GRM8: variants seen among roughly 807,000 people sequenced by gnomAD.
GRM8 encodes the protein metabotropic glutamate receptor 8.
In GRM8, 47 loss-of-function variants were observed where a neutral mutation model predicts 87.2. The observed-to-expected ratio is 0.54, with a 90% CI of 0.43 to 0.69. The LOEUF is 0.69. GRM8 is among the 30% of genes least tolerant of loss of function. The pLI is 0.00. For missense variants in GRM8, 1,019 were observed against 1,139.2 expected (o/e 0.89, Z 1.52); for synonymous variants, 396 against 404.5 (o/e 0.98, Z 0.25).
At chr7:126,856,120 T>TC (rs139177715) in intron 6 of GRM8, among the ~76,000 whole-genome samples, 100 of 152,186 alleles carry the variant, frequency 6.6e-4, no homozygotes, top group African/African-American at 2.4e-3. Flanking sequence ...GTAAATTCTG[T>TC]CTTTTTTTTT....
At chr7:127,224,310 A>C (rs1319553945) in intron 2 of GRM8, among the ~76,000 whole-genome samples, 1 of 152,244 alleles carries the variant, frequency 6.6e-6, no homozygotes, top group Non-Finnish European at 1.5e-5. Flanking sequence ...CCAGAGAGAA[A>C]TGATGCATGA....
rs913158760 is a variant in GRM8 at position 127,115,655 on chromosome 7, C to CT, written c.511-8944dup. The stretch of plus-strand genomic sequence containing the variant: ...ATTTTACCCCATAAGATTAATAAAC[C>CT]TTTTTTTTTTACATCTGCTAATTAC... On this transcript the variant is annotated intron_variant, in intron 2 of 10. Transcript: ENST00000339582. Among the ~76,000 whole-genome samples, 150 of 148,378 alleles carry CT rather than the reference C, an allele frequency of 1.0e-3. 1 individual carries two copies. Among genetic ancestry groups the CT allele is most frequent in the African/African-American group, 2.9e-3 (119 of 40,532 alleles).
chr7:126,832,175 A>C (rs1795450834), intron 6 of GRM8, among the ~76,000 whole-genome samples: 1 of 151,528 alleles, frequency 6.6e-6, no homozygotes, highest in African/African-American at 2.4e-5. Flanking sequence ...ATCTTCCAAA[A>C]AAAAAAAAAA....
intron 7 of GRM8, among the ~76,000 whole-genome samples, chr7:126,697,467 A>T (rs1809507890): frequency 6.6e-6 from 1 of 152,170 alleles, no homozygotes; most frequent in Non-Finnish European, 1.5e-5. Context: ...TGACCTTAGT[A>T]TATTTCACTA....
intron 2 of GRM8, among the ~76,000 whole-genome samples, chr7:127,114,919 C>T (rs753056206): frequency 5.3e-5 from 8 of 152,048 alleles, no homozygotes; most frequent in Non-Finnish European, 1.0e-4. Flanking sequence ...AAGGCAGGAG[C>T]AGCATATAGA....
intron 3 of GRM8, among the ~76,000 whole-genome samples, chr7:126,976,580 C>T (rs931400373): frequency 6.6e-6 from 1 of 151,750 alleles, no homozygotes. Flanking sequence ...GGCAACAGAG[C>T]GAGACTCTGT....
chr7:127,125,765 AACACACACACACAC>A (rs375563287), intron 2 of GRM8, among the ~76,000 whole-genome samples: 3 of 141,092 alleles, frequency 2.1e-5, no homozygotes, highest in East Asian at 2.0e-4. Context: ...CAAACAACTA[AACACACACACACAC>A]ACACACACAC....
At chr7:126,709,816 T>C (rs1047091282) in intron 7 of GRM8, among the ~76,000 whole-genome samples, 7 of 152,100 alleles carry the variant, frequency 4.6e-5, no homozygotes, top group Non-Finnish European at 8.8e-5. Flanking sequence ...GGTACATATA[T>C]ACAATGGAAT....
intron 7 of GRM8, among the ~76,000 whole-genome samples, chr7:126,695,106 TA>T (rs1809234712): frequency 6.6e-6 from 1 of 152,144 alleles, no homozygotes; most frequent in Non-Finnish European, 1.5e-5. Flanking sequence ...AGAGGAGGAA[TA>T]GAGATGGGAG....
rs1585629625 is a variant in GRM8 at position 126,713,499 on chromosome 7, G to A, written c.1357+56366C>T. Among the ~76,000 whole-genome samples the A allele has an allele frequency of 3.3e-5, 5 of 151,910 alleles. No homozygotes were observed. In the South Asian group the frequency reaches 1.0e-3, roughly 32 times the overall value. On this transcript the variant is annotated intron_variant, in intron 7 of 10. Transcript: ENST00000339582. ...TTAGGACAAACACCTAATGCATGCA[G>A]GGTTTAAAACCTAGCTGATTGGGTT...
intron 7 of GRM8, among the ~76,000 whole-genome samples, chr7:126,621,353 C>T (rs1280374556): frequency 6.6e-6 from 1 of 152,156 alleles, no homozygotes; most frequent in African/African-American, 2.4e-5. Context: ...ATTTACTCAA[C>T]ACTCAACATC....
chr7:126,906,125 C>T (rs545516549), intron 3 of GRM8, among the ~76,000 whole-genome samples: 25 of 151,992 alleles, frequency 1.6e-4, no homozygotes, highest in African/African-American at 4.6e-4. Flanking sequence ...GGGATTAGTG[C>T]CCTTATAAAA....
intron 3 of GRM8, among the ~76,000 whole-genome samples, chr7:127,028,716 C>CAA (rs1817056801): frequency 6.6e-6 from 1 of 151,812 alleles, no homozygotes; most frequent in Non-Finnish European, 1.5e-5. Context: ...CTATTTGATC[C>CAA]TTCTTTCTTT....
chr7:127,241,860 A>G (rs61753819), intron 2 of GRM8, among the ~76,000 whole-genome samples: 3,606 of 152,344 alleles, frequency 0.024, 58 homozygotes, highest in Non-Finnish European at 0.031. Flanking sequence ...GTCTATTACA[A>G]AAGACTACAT....
intron 7 of GRM8, among the ~76,000 whole-genome samples, chr7:126,619,746 G>T (rs1315835007): frequency 6.6e-6 from 1 of 152,040 alleles, no homozygotes; most frequent in South Asian, 2.1e-4. Context: ...GCTGGAACTC[G>T]GTGGTGTCAT....
intron 3 of GRM8, among the ~76,000 whole-genome samples, chr7:126,913,148 T>C (rs1803498429): frequency 6.6e-6 from 1 of 152,198 alleles, no homozygotes; most frequent in African/African-American, 2.4e-5. Context: ...TGATGGAAAT[T>C]GAGGATTAAC....
chr7:127,163,664 G>C (rs1793262947), intron 2 of GRM8, among the ~76,000 whole-genome samples: 1 of 152,062 alleles, frequency 6.6e-6, no homozygotes, highest in Non-Finnish European at 1.5e-5. Flanking sequence ...AAGTATTTAG[G>C]GACAAAGTGA....
chr7:126,545,307 C>T (rs1476250355), intron 8 of GRM8, among the ~76,000 whole-genome samples: 1 of 152,188 alleles, frequency 6.6e-6, no homozygotes, highest in East Asian at 1.9e-4. Context: ...ATGCAGGGCA[C>T]ATATGGTATT....
intron 2 of GRM8, among the ~76,000 whole-genome samples, chr7:127,223,708 G>C (rs571630055): frequency 6.6e-6 from 1 of 152,078 alleles, no homozygotes; most frequent in African/African-American, 2.4e-5. Flanking sequence ...CATTCCAACC[G>C]TGGGAGTGGA....
Sources: gnomAD v4.1 joint callset for allele counts (sites outside exome capture counted in the v4.1 genomes callset) on GRCh38, gnomAD v4.1.1 for gene constraint, MANE v1.5 for transcripts, NCBI Gene and HGNC (gene_info 2026-07-23, HGNC 2026-07-21) for gene names.